The following MYH13 variants were observed in gnomAD, a reference collection of about 807,000 sequenced individuals.
The protein encoded by MYH13 is myosin heavy chain 13.
Under a neutral mutation model 232.1 loss-of-function variants are expected in MYH13, and 177 were observed. The observed-to-expected ratio is 0.76, with a 90% CI of 0.67 to 0.86. The LOEUF is 0.86. MYH13 is among the 40% of genes least tolerant of loss of function. The probability of loss-of-function intolerance (pLI) is 0.00; values close to 1 mark genes in which losing one functional copy is unlikely to be tolerated. For synonymous variants in MYH13, 884 were observed against 923.5 expected (o/e 0.96, Z 0.78); for missense variants, 2,246 against 2,405.9 (o/e 0.93, Z 1.39).
intron 35 of MYH13, among the ~76,000 whole-genome samples, chr17:10,308,122 C>T (rs898781239): frequency 3.3e-5 from 5 of 151,870 alleles, no homozygotes; most frequent in Admixed American, 2.0e-4. Context: ...GTCAGGAGAT[C>T]GAGACAATCC....
At chr17:10,344,820 C>CAA (rs10566615) in intron 15 of MYH13, among the ~76,000 whole-genome samples, 24 of 53,354 alleles carry the variant, frequency 4.5e-4, no homozygotes, top group East Asian at 1.3e-3. Context: ...GACTCCGTCT[C>CAA]AAAAAAAAAA....
Position 10,320,333 on chromosome 17 carries a change from G to A in MYH13, c.3257+18C>T, listed in dbSNP as rs753623611. The A allele has an allele frequency of 6.2e-7, 1 of 1,610,276 alleles. No individual in the cohort carries two copies. The highest frequency in any genetic ancestry group is 8.5e-7 in the Non-Finnish European group (1 of 1,178,130). On this transcript the variant is annotated intron_variant, in intron 25 of 40. Transcript: ENST00000252172. The stretch of plus-strand genomic sequence containing the variant: ...GGCTTTTAGGCTGAGACACAGAGGT[G>A]GTAAAAGAAATATCTACTTTTTCAA...
chr17:10,327,700 G>C (rs1035028656), intron 22 of MYH13, among the ~76,000 whole-genome samples, 166 bp downstream of exon 22: 2 of 152,022 alleles, frequency 1.3e-5, no homozygotes, highest in East Asian at 1.9e-4. Context: ...TGCTAAGCCC[G>C]GGACCAGGCA....
At position 10,319,508 on chromosome 17, in the gene MYH13, C is replaced by CAAAAAA. The variant is rs757587723; in HGVS notation, c.3349-335_3349-330dup. Among the ~76,000 whole-genome samples, 184 of 61,490 alleles carry CAAAAAA rather than the reference C, an allele frequency of 3.0e-3. 1 individual carries two copies. In the East Asian group the frequency reaches 0.033, roughly 11 times the overall value. The allele number at this position is 61,490 out of a possible 152,430, so 40.3% of individuals were successfully genotyped here. On this transcript the variant is annotated intron_variant, in intron 26 of 40. Coordinates refer to ENST00000252172, the MANE Select transcript of MYH13 (RefSeq NM_003802.3). Reference sequence around the variant, plus strand: ...TGGGTGACAGAGCAAGACTCGGTCTCAAAAAAAAAAAAGAAGAATACATTA... The same window carrying CAAAAAA: ...TGGGTGACAGAGCAAGACTCGGTCTCAAAAAAAAAAAAAAAAAAGAAGAATACATTA...
At chr17:10,336,781 A>G (rs150109149) in intron 18 of MYH13, among the ~76,000 whole-genome samples, 338 of 152,012 alleles carry the variant, frequency 2.2e-3, no homozygotes, top group African/African-American at 7.8e-3. Flanking sequence ...TGTTCATGCT[A>G]CCTCGCCTGC....
Position 10,324,126 on chromosome 17 carries a change from T to A in MYH13, c.2830A>T (p.Lys944Ter). The stretch of plus-strand genomic sequence containing the variant: ...GAGCATTTATCTTCCAGATTCCTCT[T>A]CTTGGCAACCAATTCAGAATTCATC... ...EEMNSELVAK[K>*]RNLEDKCSSL... Residue 944 changes from lysine (K) to a stop codon, truncating the protein, a stop_gained, in exon 23 of 41, where the codon AAG (lysine) becomes TAG (stop). Coordinates refer to ENST00000252172, the MANE Select transcript of MYH13 (RefSeq NM_003802.3). LOFTEE classifies it high-confidence loss of function. 6.2e-7 allele frequency: 1 copy of A among 1,613,992 alleles called. No individual in the cohort carries two copies. The highest frequency in any genetic ancestry group is 8.5e-7 in the Non-Finnish European group (1 of 1,179,882).
At position 10,326,981 on chromosome 17, in the gene MYH13, GTTTTTTTTTTT is replaced by G. The variant is rs61543278; in HGVS notation, c.2691+874_2691+884del. ...GAGACATGCACCACCATGCCTACTA[GTTTTTTTTTTT>G]TTTTTTTTTTTTTTTTTTTTTTTTT... On this transcript the variant is annotated intron_variant, in intron 22 of 40. Coordinates refer to ENST00000252172, the MANE Select transcript of MYH13 (RefSeq NM_003802.3). 7.2e-4 allele frequency among the ~76,000 whole-genome samples: 40 copies of G among 55,832 alleles called. 7 individuals carry two copies. Among genetic ancestry groups the G allele is most frequent in the African/African-American group, 1.8e-3 (23 of 12,840 alleles). 36.6% of individuals were successfully genotyped at this position (55,832 alleles called of 152,430 possible).
chr17:10,328,433 A>G lies in MYH13; in HGVS notation c.2436-312T>C, dbSNP rs142223682. Among the ~76,000 whole-genome samples the G allele has an allele frequency of 1.0e-3, 152 of 152,274 alleles. 1 individual carries two copies. The highest frequency in any genetic ancestry group is 1.6e-3 in the Non-Finnish European group (111 of 68,022). On this transcript the variant is annotated intron_variant, in intron 21 of 40. Transcript: ENST00000252172. ...GGCGTCCGTGACCTCCTAATGCTCAATGCAAGGAATAGCTTTCATTCCTAT... is the reference window on the plus strand; with the variant it reads ...GGCGTCCGTGACCTCCTAATGCTCAGTGCAAGGAATAGCTTTCATTCCTAT...
rs770800184 is a variant in MYH13 at position 10,345,609 on chromosome 17, T to C, written c.1271A>G (p.Asn424Ser). The change falls in exon 14 of 41, where the codon AAT becomes AGT. Residue 424 changes from asparagine (N) to serine (S), a missense_variant. Coordinates refer to ENST00000252172, the MANE Select transcript of MYH13 (RefSeq NM_003802.3). ...TKGQNVQQVT[N>S]SVGALAKAVY... is the part of the protein sequence containing the mutation. ...GGCTTTGGCCAGAGCACCCACCGAA[T>C]TGGTCACCTTGAAAAAGGATCACCC... is the stretch of plus-strand genomic sequence containing the variant. The C allele has an allele frequency of 1.2e-6, 2 of 1,614,146 alleles. No homozygotes were observed. The highest frequency in any genetic ancestry group is 1.7e-6 in the Non-Finnish European group (2 of 1,180,018).
intron 26 of MYH13, among the ~76,000 whole-genome samples, chr17:10,319,920 A>G (rs1441292271): frequency 1.3e-5 from 2 of 152,224 alleles, no homozygotes; most frequent in African/African-American, 4.8e-5. Context: ...AGCACCCTTA[A>G]CAATAATATT....
Position 10,324,065 on chromosome 17 carries a change from G to A in MYH13, c.2891C>T (p.Thr964Ile). 6.2e-7 allele frequency: 1 copy of A among 1,613,954 alleles called. No homozygotes were observed. The highest frequency in any genetic ancestry group is 8.5e-7 in the Non-Finnish European group (1 of 1,179,964). ...CTTCTCCTTTTCAACTTTCGTCAAGGTCAGCTCCAGGTCATCAATGTCTCT... is the reference window on the plus strand; with the variant it reads ...CTTCTCCTTTTCAACTTTCGTCAAGATCAGCTCCAGGTCATCAATGTCTCT... The part of the protein sequence containing the change: ...LKRDIDDLEL[T>I]LTKVEKEKHA... The change falls in exon 23 of 41, where the codon ACC (threonine) becomes ATC (isoleucine). Residue 964 changes from threonine to isoleucine, a missense_variant. By Grantham distance (89) the Thr-to-Ile change is moderately conservative (BLOSUM62 -1). Coordinates refer to ENST00000252172, the MANE Select transcript of MYH13 (RefSeq NM_003802.3).
intron 7 of MYH13, among the ~76,000 whole-genome samples, chr17:10,359,514 A>G (rs1280706684): frequency 6.6e-6 from 1 of 152,168 alleles, no homozygotes; most frequent in African/African-American, 2.4e-5. Context: ...AAATGTAAGC[A>G]AAGTGTTTCT....
rs1394139900 is a variant in MYH13 at position 10,333,131 on chromosome 17, A to T, written c.2117T>A (p.Ile706Asn). Residue 706 changes from isoleucine to asparagine, a missense_variant, in exon 19 of 41, where the codon ATC (isoleucine) becomes AAC (asparagine). Transcript: ENST00000252172. Reference protein sequence around the residue: ...QLRCNGVLEGIRICRKGFPSR... With the variant: ...QLRCNGVLEGNRICRKGFPSR... ...GGGGAATCCCTTCCTGCAAATCCGGATGCCCTCGAGGACCCCGTTACAGCG... is the reference window on the plus strand; with the variant it reads ...GGGGAATCCCTTCCTGCAAATCCGGTTGCCCTCGAGGACCCCGTTACAGCG... 4 of 1,551,886 alleles carry T rather than the reference A, an allele frequency of 2.6e-6. No individual in the cohort carries two copies. The highest frequency in any genetic ancestry group is 2.0e-5 in the Admixed American group (1 of 51,028).
At chr17:10,303,562 T>C (rs1906179695) in intron 37 of MYH13, 64 bp from the exon 38 acceptor site, 2 of 1,411,050 alleles carry the variant, frequency 1.4e-6, no homozygotes, top group South Asian at 1.2e-5. Context: ...CATGGACTCA[T>C]GGGCCAATCA....
Position 10,312,013 on chromosome 17 carries a change from CCTT to C in MYH13, c.4426_4428del (p.Lys1476del), listed in dbSNP as rs1567656699. On this transcript the variant is annotated inframe_deletion, in exon 32 of 41. Coordinates refer to ENST00000252172, the MANE Select transcript of MYH13 (RefSeq NM_003802.3). ...AGTTCAGTGCTGAGTGACCTGGACT[CCTT>C]CTGAGCAGCTTCCAACTCAGCCTGG... is the stretch of plus-strand genomic sequence containing the variant. 2 of 1,614,014 alleles carry C rather than the reference CCTT, an allele frequency of 1.2e-6. No homozygotes were observed. The highest frequency in any genetic ancestry group is 2.2e-5 in the East Asian group (1 of 44,882).
chr17:10,340,344 A>G lies in MYH13; in HGVS notation c.1952T>C (p.Val651Ala). The change falls in exon 17 of 41, where the codon GTG (valine) becomes GCG (alanine). Residue 651 changes from valine (V) to alanine (A), a missense_variant. Physicochemically the swap from Val to Ala is moderately conservative, Grantham distance 64. Transcript: ENST00000252172. ...AACACCAACCCTGAACACGGCCGACACGGTCTGGAAAGAGGAGCCCTTCTT... is the reference window on the plus strand; with the variant it reads ...AACACCAACCCTGAACACGGCCGACGCGGTCTGGAAAGAGGAGCCCTTCTT... ...GKKKGSSFQT[V>A]SAVFRENLNK... 1 of 1,613,966 alleles carries G rather than the reference A, an allele frequency of 6.2e-7. No homozygotes were observed. Among genetic ancestry groups the G allele is most frequent in the African/African-American group, 1.3e-5 (1 of 75,032 alleles).
intron 9 of MYH13, 26 bp downstream of exon 9, chr17:10,355,058 C>A (rs1019839107): frequency 2.5e-6 from 4 of 1,608,600 alleles, no homozygotes; most frequent in South Asian, 2.2e-5. Context: ...AAAACACCAA[C>A]GGATTTATAG....
At chr17:10,323,875 G>T in intron 23 of MYH13, 147 bp downstream of exon 23, 1 of 1,002,342 alleles carries the variant, frequency 1.0e-6, no homozygotes, top group Non-Finnish European at 1.4e-6. Context: ...AACTTGTTGG[G>T]ACTTAACTAC....
chr17:10,332,260 C>T lies in MYH13; in HGVS notation c.2175-38G>A, dbSNP rs184419256. On this transcript the variant is annotated intron_variant, in intron 19 of 40. Transcript: ENST00000252172. ...GACATTTCCCAAATGGATTCCAATC[C>T]CCGAAAGGCTTCATAGCTGAGACCA... 3.1e-6 allele frequency: 5 copies of T among 1,609,934 alleles called. No homozygotes were observed. In the Admixed American group the frequency reaches 8.3e-5, roughly 27 times the overall value.
Sources: gnomAD v4.1 joint callset for allele counts (sites outside exome capture counted in the v4.1 genomes callset) on GRCh38, gnomAD v4.1.1 for gene constraint, MANE v1.5 for transcripts, NCBI Gene and HGNC (gene_info 2026-07-23, HGNC 2026-07-21) for gene names.